Variants in TLCD4 observed in about 807,000 individuals in gnomAD.
TLCD4 encodes the protein TLC domain containing 4, also known as TLC domain-containing protein 4.
Under a neutral mutation model 24.2 loss-of-function variants are expected in TLCD4, and 7 were observed. The ratio of observed to expected loss-of-function variants is 0.29; its 90% CI spans 0.16 to 0.54. The LOEUF (loss-of-function observed/expected upper bound fraction) is 0.54, where lower values mean the gene tolerates loss of function less well. TLCD4 is among the 20% of genes least tolerant of loss of function. TLCD4 has a pLI of 0.95. For synonymous variants in TLCD4, 103 were observed against 106.4 expected (o/e 0.97, Z 0.20); for missense variants, 259 against 313.9 (o/e 0.82, Z 1.32).
intron 1 of TLCD4, 74 bp from the exon 2 acceptor site, chr1:95,143,815 CAT>C (rs1176209985): frequency 3.2e-6 from 4 of 1,241,724 alleles, no homozygotes; most frequent in Admixed American, 3.1e-5. Flanking sequence ...AATTACAAGA[CAT>C]ATTTCTTAAA....
At chr1:95,160,278 T>G (rs11165323) in intron 5 of TLCD4, among the ~76,000 whole-genome samples, 67,426 of 152,036 alleles carry the variant, frequency 0.44, 16,417 homozygotes, top group Middle Eastern at 0.58. Context: ...ATAGTGAATG[T>G]GAGTTCACTC....
At chr1:95,171,696 A>C (rs1046843298) in intron 5 of TLCD4, among the ~76,000 whole-genome samples, 3 of 152,212 alleles carry the variant, frequency 2.0e-5, no homozygotes, top group Non-Finnish European at 4.4e-5. Flanking sequence ...TGTTATAGAC[A>C]GAGGGAAAGA....
chr1:95,126,778 C>G (rs1335669386), intron 1 of TLCD4, among the ~76,000 whole-genome samples: 1 of 152,142 alleles, frequency 6.6e-6, no homozygotes, highest in Non-Finnish European at 1.5e-5. Flanking sequence ...ACATGATGGT[C>G]TCAGGGCAAT....
intron 5 of TLCD4, chr1:95,164,926 C>G (rs1224704396): frequency 6.6e-6 from 1 of 152,024 alleles, no homozygotes; most frequent in African/African-American, 2.4e-5. Flanking sequence ...TTTTTTCCCC[C>G]CATCATTTGC....
intron 5 of TLCD4, chr1:95,163,674 G>A (rs1011521628): frequency 6.6e-6 from 1 of 152,222 alleles, no homozygotes; most frequent in African/African-American, 2.4e-5. Flanking sequence ...GTGACATACA[G>A]ATGGGGTTTT....
chr1:95,097,568 G>A, the TLCD4 span, among the ~76,000 whole-genome samples: 3 of 152,210 alleles, frequency 2.0e-5, no homozygotes, highest in Non-Finnish European at 4.4e-5. Context: ...TGGGAGTAAC[G>A]AAGTAGGGAA....
chr1:95,152,328 C>T (rs1398586444), intron 5 of TLCD4, among the ~76,000 whole-genome samples: 1 of 151,816 alleles, frequency 6.6e-6, no homozygotes, highest in Non-Finnish European at 1.5e-5. Flanking sequence ...CCAAGTAAAG[C>T]TAACAAAAAT....
Position 95,196,082 on chromosome 1 carries a change from C to T in TLCD4, c.*4214C>T, listed in dbSNP as rs1468588766. The T allele has an allele frequency of 6.6e-6, 1 of 152,134 alleles. No individual in the cohort carries two copies. Among genetic ancestry groups the T allele is most frequent in the Non-Finnish European group, 1.5e-5 (1 of 68,016 alleles). 9.4% of individuals were successfully genotyped at this position (152,134 alleles called of 1,614,324 possible). A position where few individuals can be genotyped will look rare whatever the true frequency, so the allele number is the denominator to read the frequency against. ...CAAATCATGACTTATTAAGAGACTA[C>T]AGGAAGCCATTCAGCATTTAATAAT... On this transcript the variant is annotated 3_prime_UTR_variant, in exon 7 of 7. Coordinates refer to ENST00000370203, the MANE Select transcript of TLCD4 (RefSeq NM_152487.3).
the TLCD4 span, among the ~76,000 whole-genome samples, chr1:95,109,912 CATATATATATATATAT>C: frequency 0.013 from 1,059 of 80,280 alleles, 34 homozygotes; most frequent in African/African-American, 0.04. Context: ...TGTGTGTATG[CATATATATATATATAT>C]ATATATATAT....
chr1:95,110,960 T>G, the TLCD4 span, among the ~76,000 whole-genome samples: 1 of 148,906 alleles, frequency 6.7e-6, no homozygotes, highest in Non-Finnish European at 1.5e-5. Flanking sequence ...TCTAAAAATA[T>G]CCATAACATT....
At chr1:95,126,885 C>G (rs1343312530) in intron 1 of TLCD4, among the ~76,000 whole-genome samples, 3 of 152,150 alleles carry the variant, frequency 2.0e-5, no homozygotes, top group Non-Finnish European at 4.4e-5. Context: ...GCAAGGCCAG[C>G]CCAGGTTCAC....
intron 1 of TLCD4, among the ~76,000 whole-genome samples, chr1:95,130,446 C>T (rs577301337): frequency 1.6e-4 from 24 of 152,290 alleles, no homozygotes; most frequent in African/African-American, 5.8e-4. Flanking sequence ...GCCACAGTGC[C>T]CGGCCCGACA....
chr1:95,155,459 AAAATATTATAG>A (rs998943369), intron 5 of TLCD4, among the ~76,000 whole-genome samples: 1 of 152,194 alleles, frequency 6.6e-6, no homozygotes, highest in Non-Finnish European at 1.5e-5. Context: ...TAATTATTTA[AAAATATTATAG>A]AAAGATTTAA....
chr1:95,169,360 A>G (rs1242972217), intron 5 of TLCD4, among the ~76,000 whole-genome samples: 1 of 152,222 alleles, frequency 6.6e-6, no homozygotes, highest in African/African-American at 2.4e-5. Context: ...AAGAGCCAAG[A>G]TGTTATGCCC....
chr1:95,148,665 A>G, intron 2 of TLCD4, 37 bp from the exon 3 acceptor site: 1 of 1,609,770 alleles, frequency 6.2e-7, no homozygotes, highest in Non-Finnish European at 8.5e-7. Context: ...TATTGCAAAG[A>G]ATCTAAAATC....
At chr1:95,143,615 TAA>T (rs1317538836) in intron 1 of TLCD4, among the ~76,000 whole-genome samples, 1 of 152,092 alleles carries the variant, frequency 6.6e-6, no homozygotes, top group African/African-American at 2.4e-5. Context: ...CTGTTAATAT[TAA>T]GACTTAGATA....
At chr1:95,110,590 T>C in the TLCD4 span, among the ~76,000 whole-genome samples, 5 of 152,050 alleles carry the variant, frequency 3.3e-5, no homozygotes, top group Non-Finnish European at 5.9e-5. Flanking sequence ...GAGGAGGACA[T>C]TCAATAAATG....
intron 6 of TLCD4, among the ~76,000 whole-genome samples, chr1:95,178,801 A>G (rs1022172868): frequency 1.3e-5 from 2 of 151,998 alleles, no homozygotes; most frequent in African/African-American, 2.4e-5. Context: ...AATATTACCT[A>G]TTTCTTTGTA....
At chr1:95,149,022 A>G (rs1440196778) in intron 3 of TLCD4, among the ~76,000 whole-genome samples, 3 of 152,240 alleles carry the variant, frequency 2.0e-5, no homozygotes, top group African/African-American at 7.2e-5. Context: ...AACAAGGAGA[A>G]TATGATGATA....
Sources: gnomAD v4.1 joint callset for allele counts (sites outside exome capture counted in the v4.1 genomes callset) on GRCh38, gnomAD v4.1.1 for gene constraint, MANE v1.5 for transcripts, NCBI Gene and HGNC (gene_info 2026-07-23, HGNC 2026-07-21) for gene names.